Variants in FRA10AC1 observed in about 807,000 individuals in gnomAD.
FRA10AC1 encodes protein FRA10AC1.
FRA10AC1 carries 43 observed loss-of-function variants against 56.5 expected under a neutral mutation model. The observed-to-expected ratio is 0.76, with a 90% CI of 0.60 to 0.98. FRA10AC1 has a LOEUF of 0.98. Among genes scored for constraint, FRA10AC1 ranks in the 50% least tolerant of loss-of-function variants. FRA10AC1 has a pLI of 0.00. For synonymous variants in FRA10AC1, 112 were observed against 110.5 expected (o/e 1.01, Z -0.09); for missense variants, 346 against 351.8 (o/e 0.98, Z 0.13).
chr10:93,683,716 T>C (rs2058974966), intron 10 of FRA10AC1, among the ~76,000 whole-genome samples: 1 of 152,166 alleles, frequency 6.6e-6, no homozygotes, highest in South Asian at 2.1e-4. Context: ...AAACTCCAGC[T>C]AAAACACTGT....
intron 12 of FRA10AC1, 119 bp downstream of exon 12, chr10:93,676,534 C>T (rs971624464): frequency 9.5e-6 from 13 of 1,369,848 alleles, no homozygotes; most frequent in African/African-American, 4.6e-5. Context: ...TTCTCATGTA[C>T]AAAAATAATT....
At chr10:93,686,129 CAGA>C (rs1425981551) in intron 8 of FRA10AC1, among the ~76,000 whole-genome samples, 1 of 151,780 alleles carries the variant, frequency 6.6e-6, no homozygotes, top group African/African-American at 2.4e-5. Context: ...TTTGCACTAA[CAGA>C]AGCAAATCTG....
At position 93,669,765 on chromosome 10, in the gene FRA10AC1, GCATGAAGTTTAAAACTT is replaced by G; in HGVS notation, c.*44_*60del. The G allele has an allele frequency of 1.9e-6, 2 of 1,075,788 alleles. No individual in the cohort carries two copies. Among genetic ancestry groups the G allele is most frequent in the Non-Finnish European group, 2.8e-6 (2 of 724,696 alleles). 66.6% of individuals were successfully genotyped at this position (1,075,788 alleles called of 1,614,324 possible). Reference sequence around the variant, plus strand: ...AAAAACTTATATGGAATTTCAAATTGCATGAAGTTTAAAACTTCATGAAGTTTCACATTAAGGAGCGG... The same window carrying G: ...AAAAACTTATATGGAATTTCAAATTGCATGAAGTTTCACATTAAGGAGCGG... On this transcript the variant is annotated 3_prime_UTR_variant, in exon 14 of 14. Transcript: ENST00000359204.
intron 5 of FRA10AC1, among the ~76,000 whole-genome samples, chr10:93,693,841 A>G (rs960803850): frequency 2.0e-5 from 3 of 151,772 alleles, no homozygotes; most frequent in African/African-American, 2.4e-5. Flanking sequence ...ATCAAATATC[A>G]TATGTTCTCA....
In FRA10AC1 at chr10:93,670,809, A is replaced by C. The variant is rs1449629557; in HGVS notation, c.866T>G (p.Leu289Arg). Residue 289 changes from leucine (L) to arginine (R), a missense_variant, in exon 13 of 14, where the codon CTT becomes CGT. Coordinates refer to ENST00000359204, the MANE Select transcript of FRA10AC1 (RefSeq NM_145246.5). ...DEEESASESE[L>R]WKGPLPETDE... ...TGTCTCTGGTAGTGGACCCTTCCAA[A>C]GTTCAGATTCTGAAGCACTTTCTTC... 1.2e-6 allele frequency: 2 copies of C among 1,612,236 alleles called. No individual in the cohort carries two copies. The highest frequency in any genetic ancestry group is 1.7e-6 in the Non-Finnish European group (2 of 1,178,746).
intron 8 of FRA10AC1, among the ~76,000 whole-genome samples, 169 bp downstream of exon 8, chr10:93,687,235 C>A (rs780805838): frequency 1.8e-4 from 27 of 151,854 alleles, no homozygotes; most frequent in South Asian, 8.3e-4. Flanking sequence ...ATCATTAAAG[C>A]ATTATATTCA....
Position 93,698,151 on chromosome 10 carries a change from G to A in FRA10AC1, c.204C>T (p.Leu68=). The change falls in exon 4 of 14, where the codon CTC becomes CTT. Residue 68 remains leucine, a synonymous_variant. Transcript: ENST00000359204. ...AAAAGGATACAGCATCCATAGCTAT[G>A]AGATGAAACCTTCTATTTCTTGCTT... ...REEARNRRFH[L]IAMDAYQRHT... 1 of 1,572,388 alleles carries A rather than the reference G, an allele frequency of 6.4e-7. No individual in the cohort carries two copies. The highest frequency in any genetic ancestry group is 8.7e-7 in the Non-Finnish European group (1 of 1,155,864).
chr10:93,694,740 A>G (rs1289430331), intron 5 of FRA10AC1, 121 bp downstream of exon 5: 1 of 478,378 alleles, frequency 2.1e-6, no homozygotes, highest in African/African-American at 2.2e-5. Flanking sequence ...AAAAAAAAAA[A>G]AAAAGGCACA....
At chr10:93,684,797 T>C (rs2058996979) in intron 9 of FRA10AC1, among the ~76,000 whole-genome samples, 1 of 152,186 alleles carries the variant, frequency 6.6e-6, no homozygotes, top group South Asian at 2.1e-4. Flanking sequence ...TTATTCCCTA[T>C]GGTTTTAAGA....
intron 6 of FRA10AC1, 33 bp from the exon 7 acceptor site, chr10:93,692,126 T>G: frequency 1.4e-6 from 2 of 1,405,886 alleles, no homozygotes; most frequent in Non-Finnish European, 1.9e-6. Flanking sequence ...ATTATACATT[T>G]AGAAACTCAA....
chr10:93,702,900 AG>A, upstream of FRA10AC1: 1 of 434,632 alleles, frequency 2.3e-6, no homozygotes, highest in Admixed American at 2.6e-5. Flanking sequence ...TAGTAACCTT[AG>A]TAACGCCTCC....
chr10:93,699,055 G>A (rs10882308), intron 2 of FRA10AC1, among the ~76,000 whole-genome samples: 13,027 of 152,054 alleles, frequency 0.086, 666 homozygotes, highest in East Asian at 0.27. Flanking sequence ...TTCTTCTTCC[G>A]ATGTGGCCCA....
At chr10:93,689,565 A>T (rs1451616824) in intron 7 of FRA10AC1, among the ~76,000 whole-genome samples, 1 of 152,182 alleles carries the variant, frequency 6.6e-6, no homozygotes, top group Non-Finnish European at 1.5e-5. Context: ...TAATCTATTC[A>T]ACAGACAACT....
At chr10:93,695,888 A>T (rs1479567895) in intron 4 of FRA10AC1, among the ~76,000 whole-genome samples, 1 of 148,670 alleles carries the variant, frequency 6.7e-6, no homozygotes, top group African/African-American at 2.6e-5. Context: ...CAGATGGTAA[A>T]TATTTCAGGC....
intron 3 of FRA10AC1, 27 bp from the exon 4 acceptor site, chr10:93,698,208 A>G: frequency 6.5e-7 from 1 of 1,542,220 alleles, no homozygotes; most frequent in Admixed American, 1.8e-5. Context: ...TTTTAAGAAA[A>G]TTCAAAATGT....
intron 12 of FRA10AC1, chr10:93,673,205 A>G: frequency 5.2e-6 from 2 of 384,570 alleles, no homozygotes; most frequent in Admixed American, 3.7e-5. Context: ...TAAGGCAAAA[A>G]TCTGTTTTTG....
At chr10:93,700,206 T>C (rs1483665843) in intron 1 of FRA10AC1, 100 bp from the exon 2 acceptor site, 2 of 706,958 alleles carry the variant, frequency 2.8e-6, no homozygotes, top group Non-Finnish European at 4.8e-6. Flanking sequence ...CACAATAGTT[T>C]TAAAGGATCA....
intron 5 of FRA10AC1, among the ~76,000 whole-genome samples, chr10:93,693,926 G>T (rs1455133703): frequency 2.0e-5 from 3 of 151,774 alleles, no homozygotes; most frequent in Non-Finnish European, 4.4e-5. Flanking sequence ...ACTCAATGTG[G>T]GGGAAGGCCA....
chr10:93,693,623 T>C (rs1386999837), intron 5 of FRA10AC1, among the ~76,000 whole-genome samples: 16 of 63,984 alleles, frequency 2.5e-4, no homozygotes, highest in East Asian at 9.4e-4. Flanking sequence ...CATATATATA[T>C]ACACACCATA....
Sources: allele counts gnomAD v4.1 joint callset (sites outside exome capture counted in the v4.1 genomes callset), GRCh38; gene constraint gnomAD v4.1.1; transcripts MANE v1.5; gene names NCBI Gene and HGNC (gene_info 2026-07-23, HGNC 2026-07-21).